Variants in MCF2L observed in about 807,000 individuals in gnomAD.
The protein encoded by MCF2L is guanine nucleotide exchange factor DBS.
Under a neutral mutation model 153.4 loss-of-function variants are expected in MCF2L, and 97 were observed. The ratio of observed to expected loss-of-function variants is 0.63; its 90% CI spans 0.54 to 0.75. The LOEUF (loss-of-function observed/expected upper bound fraction) is 0.75. MCF2L is among the 30% of genes least tolerant of loss of function. The pLI is 0.00. For synonymous variants in MCF2L, 659 were observed against 632.2 expected (o/e 1.04, Z -0.64); for missense variants, 1,347 against 1,495.2 (o/e 0.90, Z 1.64).
At chr13:112,954,934 G>C (rs556358349) in intron 2 of MCF2L, among the ~76,000 whole-genome samples, 1 of 152,218 alleles carries the variant, frequency 6.6e-6, no homozygotes, top group Admixed American at 6.5e-5. Flanking sequence ...AGTTGGTCAC[G>C]ATGGCTGTGG....
chr13:112,902,234 A>G (rs1273826851), exon 2 of MCF2L: 13 of 1,612,726 alleles, frequency 8.1e-6, no homozygotes, highest in South Asian at 2.2e-5. Flanking sequence ...ATCCTGTGCA[A>G]GAGACCTGGA....
intron 7 of MCF2L, 83 bp from the exon 8 acceptor site, chr13:113,065,963 A>G: frequency 6.9e-7 from 1 of 1,455,258 alleles, no homozygotes; most frequent in South Asian, 1.3e-5. Context: ...CCCCCTCAAG[A>G]GCAAGGCCCC....
intron 2 of MCF2L, among the ~76,000 whole-genome samples, chr13:113,024,157 G>T (rs1247141467): frequency 6.6e-6 from 1 of 152,208 alleles, no homozygotes; most frequent in Non-Finnish European, 1.5e-5. Flanking sequence ...CTTAAAAGGC[G>T]CCAATGTCGG....
At position 112,980,198 on chromosome 13, in the gene MCF2L, A is replaced by G. The variant is rs1306472762; in HGVS notation, c.79+10740A>G. On this transcript the variant is annotated intron_variant, in intron 1 of 29. Coordinates refer to ENST00000535094, the MANE Select transcript of MCF2L (RefSeq NM_001112732.3). ...GTGGCCCAGGCCAGGTGGACCAAGAATGCCATTCAGGAACAGCACGTTTGC... is the reference window on the plus strand; with the variant it reads ...GTGGCCCAGGCCAGGTGGACCAAGAGTGCCATTCAGGAACAGCACGTTTGC... 2.6e-5 allele frequency among the ~76,000 whole-genome samples: 4 copies of G among 152,252 alleles called. No individual in the cohort carries two copies. The East Asian group carries it at 5.8e-4, about 22-fold the overall frequency.
chr13:112,968,340 C>T (rs2140793175), upstream of MCF2L: 1 of 1,310,866 alleles, frequency 7.6e-7, no homozygotes, highest in Non-Finnish European at 1.0e-6. Context: ...GAGGAGAGCT[C>T]AGAGAGTTTC....
In MCF2L at chr13:113,031,097, AGACAGAGAGAGACAGAGACAGAGAGT is replaced by A. The variant is rs2085668785; in HGVS notation, c.278+6350_278+6375del. The stretch of plus-strand genomic sequence containing the variant: ...GACAGACAGATACAGACAGAGACAG[AGACAGAGAGAGACAGAGACAGAGAGT>A]GACAGAGAGACAGACAGAGACAGAG... On this transcript the variant is annotated intron_variant, in intron 3 of 29. Transcript: ENST00000535094. The surrounding 1 kb of genome is among the most constrained non-coding windows in gnomAD (Gnocchi z 5.5). Among the ~76,000 whole-genome samples the A allele has an allele frequency of 6.7e-6, 1 of 149,926 alleles. No individual in the cohort carries two copies. The highest frequency in any genetic ancestry group is 1.5e-5 in the Non-Finnish European group (1 of 67,878).
chr13:113,086,348 G>A, intron 21 of MCF2L, 99 bp downstream of exon 21: 1 of 1,525,760 alleles, frequency 6.6e-7, no homozygotes, highest in Non-Finnish European at 8.8e-7. Flanking sequence ...GCTTTGGTGT[G>A]AATGTGCAGG....
chr13:113,085,045 A>G, intron 19 of MCF2L, 41 bp from the exon 20 acceptor site: 1 of 1,612,438 alleles, frequency 6.2e-7, no homozygotes, highest in Non-Finnish European at 8.5e-7. Flanking sequence ...CCTGAGGAAT[A>G]ATGAAAATTG....
upstream of MCF2L, among the ~76,000 whole-genome samples, chr13:112,966,795 T>A (rs1480473440): frequency 6.6e-6 from 1 of 152,184 alleles, no homozygotes; most frequent in Non-Finnish European, 1.5e-5. This position sits in a 1 kb window ranked among gnomAD's most constrained non-coding sequence, Gnocchi z 4.1. Flanking sequence ...GCTTTTAAGA[T>A]GCAACAGATT....
intron 23 of MCF2L, among the ~76,000 whole-genome samples, chr13:113,088,037 T>C (rs561271131): frequency 2.0e-5 from 3 of 152,316 alleles, no homozygotes; most frequent in East Asian, 3.9e-4. Flanking sequence ...GGGGAGCTCA[T>C]GTGTCCCTGG....
At chr13:113,024,562 C>T in intron 2 of MCF2L, 82 bp from the exon 3 acceptor site, 1 of 790,366 alleles carries the variant, frequency 1.3e-6, no homozygotes, top group Admixed American at 1.9e-5. Flanking sequence ...ATACTGGGTG[C>T]TGATGAAAAC....
intron 1 of MCF2L, among the ~76,000 whole-genome samples, chr13:112,897,987 G>T (rs1312068986): frequency 6.6e-6 from 1 of 151,980 alleles, no homozygotes; most frequent in Non-Finnish European, 1.5e-5. Flanking sequence ...CCCCAGCCCC[G>T]GCCCCGGCCC....
intron 1 of MCF2L, among the ~76,000 whole-genome samples, chr13:112,982,744 G>T (rs1262708785): frequency 6.6e-6 from 1 of 152,206 alleles, no homozygotes; most frequent in East Asian, 1.9e-4. Context: ...AGCCCGTGCT[G>T]CATAAGGGAC....
intron 1 of MCF2L, among the ~76,000 whole-genome samples, chr13:113,000,064 T>C (rs1167234213): frequency 1.3e-5 from 2 of 152,148 alleles, no homozygotes; most frequent in East Asian, 3.9e-4. Flanking sequence ...GTGCATCGGC[T>C]GGTGCCGTGG....
chr13:113,031,138 C>CAGAGACAGAG lies in MCF2L; in HGVS notation c.278+6394_278+6403dup, dbSNP rs1052943436. Among the ~76,000 whole-genome samples, 1 of 148,184 alleles carries CAGAGACAGAG rather than the reference C, an allele frequency of 6.7e-6. No homozygotes were observed. Among genetic ancestry groups the CAGAGACAGAG allele is most frequent in the Non-Finnish European group, 1.5e-5 (1 of 67,298 alleles). Reference sequence around the variant, plus strand: ...AGACAGAGAGTGACAGAGAGACAGACAGAGACAGAGAGAGACAGAGAGAAG... The same window carrying CAGAGACAGAG: ...AGACAGAGAGTGACAGAGAGACAGACAGAGACAGAGAGAGACAGAGAGAGACAGAGAGAAG... On this transcript the variant is annotated intron_variant, in intron 3 of 29. Coordinates refer to ENST00000535094, the MANE Select transcript of MCF2L (RefSeq NM_001112732.3). The surrounding 1 kb of genome is among the most constrained non-coding windows in gnomAD (Gnocchi z 5.5).
chr13:113,044,114 G>A (rs1283733036), intron 3 of MCF2L: 1 of 165,062 alleles, frequency 6.1e-6, no homozygotes, highest in East Asian at 1.6e-4. Flanking sequence ...CCATGCTCGT[G>A]CACGTGCTTA....
chr13:112,962,115 G>T, intron 2 of MCF2L, among the ~76,000 whole-genome samples: 1 of 22,208 alleles, frequency 4.5e-5, no homozygotes, highest in Non-Finnish European at 1.5e-4. Flanking sequence ...GCACGGACAC[G>T]CACATGCATG....
At chr13:112,944,294 T>A (rs2081612528) in intron 2 of MCF2L, among the ~76,000 whole-genome samples, 1 of 151,966 alleles carries the variant, frequency 6.6e-6, no homozygotes, top group African/African-American at 2.4e-5. Flanking sequence ...TGACCCTCAT[T>A]TACTGGGAAT....
At chr13:113,063,247 G>A (rs539527272) in intron 5 of MCF2L, among the ~76,000 whole-genome samples, 35 of 152,270 alleles carry the variant, frequency 2.3e-4, no homozygotes, top group Admixed American at 1.2e-3. Flanking sequence ...CCCACATCTG[G>A]GTCCACACAG....
Sources: gnomAD v4.1 joint callset for allele counts (sites outside exome capture counted in the v4.1 genomes callset) on GRCh38, gnomAD v4.1.1 for gene constraint, Gnocchi (gnomAD v3.1) non-coding constraint, MANE v1.5 for transcripts, NCBI Gene and HGNC (gene_info 2026-07-23, HGNC 2026-07-21) for gene names.